RGS7: variants seen among roughly 807,000 people sequenced by gnomAD.
RGS7 encodes regulator of G-protein signaling 7.
In RGS7, 27 loss-of-function variants were observed where a neutral mutation model predicts 81.1. That is an observed-to-expected ratio of 0.33 (90% CI 0.25 to 0.46). The LOEUF (loss-of-function observed/expected upper bound fraction) is 0.46. Among genes scored for constraint, RGS7 ranks in the 20% least tolerant of loss-of-function variants. The probability of loss-of-function intolerance (pLI) is 1.00; values close to 1 mark genes in which losing one functional copy is unlikely to be tolerated. For synonymous variants in RGS7, 208 were observed against 207.7 expected, an observed-to-expected ratio of 1.00 and a Z score of -0.01; for missense variants, 396 against 607.4, an observed-to-expected ratio of 0.65 and a Z score of 3.66.
At chr1:241,130,296 G>A (rs1231349624) in intron 2 of RGS7, among the ~76,000 whole-genome samples, 1 of 151,672 alleles carries the variant, frequency 6.6e-6, no homozygotes, top group Non-Finnish European at 1.5e-5. Context: ...TAATTTTCCA[G>A]GGATTAATTT....
chr1:241,002,781 T>G (rs1285071047), intron 3 of RGS7, among the ~76,000 whole-genome samples: 1 of 152,214 alleles, frequency 6.6e-6, no homozygotes, highest in Non-Finnish European at 1.5e-5. Context: ...CAGGCAGAAA[T>G]GTAAACAGGA....
At position 241,152,186 on chromosome 1, in the gene RGS7, A is replaced by T. The variant is rs547073744; in HGVS notation, c.79-53424T>A. ...TTGGGCAAGCCAAAGTTCTAAGGGGAAAGGGGGAATAACGACCTAAAGACC... is the reference window on the plus strand; with the variant it reads ...TTGGGCAAGCCAAAGTTCTAAGGGGTAAGGGGGAATAACGACCTAAAGACC... On this transcript the variant is annotated intron_variant, in intron 2 of 18. Transcript: ENST00000440928. Among the ~76,000 whole-genome samples, 165 of 151,870 alleles carry T rather than the reference A, an allele frequency of 1.1e-3. 2 individuals are homozygous for T. Among genetic ancestry groups the T allele is most frequent in the African/African-American group, 3.9e-3 (160 of 41,384 alleles).
intron 9 of RGS7, among the ~76,000 whole-genome samples, chr1:240,855,489 G>A (rs1572432727): frequency 1.3e-5 from 2 of 150,626 alleles, no homozygotes; most frequent in African/African-American, 2.4e-5. Context: ...GGAATGCAAC[G>A]GCATGGTCAC....
intron 18 of RGS7, among the ~76,000 whole-genome samples, chr1:240,781,432 C>T (rs923095124): frequency 7.2e-5 from 11 of 152,064 alleles, no homozygotes; most frequent in Non-Finnish European, 8.8e-5. Context: ...ATGGTGAAAC[C>T]CCATCTCTAC....
chr1:241,329,263 T>G (rs1359797264), intron 2 of RGS7, among the ~76,000 whole-genome samples: 2 of 152,180 alleles, frequency 1.3e-5, no homozygotes. Context: ...ATTAAGAGAA[T>G]TACAGAAATT....
rs1023056307 is a variant in RGS7 at position 240,979,396 on chromosome 1, T to C, written c.226+3683A>G. On this transcript the variant is annotated intron_variant, in intron 4 of 18. Transcript: ENST00000440928. ...TAAGCTTAGTAAGAAAAGTGCAAAG[T>C]CTATATTTTAAAAACTTTAAAGCAC... Among the ~76,000 whole-genome samples the C allele has an allele frequency of 2.9e-4, 44 of 152,116 alleles. 1 individual carries two copies. Among genetic ancestry groups the C allele is most frequent in the Admixed American group, 1.2e-3 (18 of 15,270 alleles).
intron 10 of RGS7, 145 bp from the exon 11 acceptor site, chr1:240,816,560 C>T (rs1690836174): frequency 1.3e-5 from 8 of 624,410 alleles, no homozygotes; most frequent in East Asian, 2.8e-5. Flanking sequence ...AAAGGCACTG[C>T]TAAGATAAAA....
rs116333782 is a variant in RGS7, at chr1:240,812,754, G to A, written c.957-711C>T. Among the ~76,000 whole-genome samples the A allele has an allele frequency of 1.7e-3, 263 of 152,084 alleles. 1 individual carries two copies. Among genetic ancestry groups the A allele is most frequent in the African/African-American group, 5.9e-3 (246 of 41,490 alleles). On this transcript the variant is annotated intron_variant, in intron 13 of 18. Coordinates refer to ENST00000440928, the MANE Select transcript of RGS7 (RefSeq NM_001364886.1). ...CAGGCACACATTTCTTAACCACTAC[G>A]CCACACAGGGTCATGCAGGTATATT...
At chr1:241,311,621 G>C (rs562655148) in intron 2 of RGS7, among the ~76,000 whole-genome samples, 1 of 152,244 alleles carries the variant, frequency 6.6e-6, no homozygotes, top group South Asian at 2.1e-4. Flanking sequence ...TTTGAGAAAT[G>C]GGCGTTTTAT....
intron 10 of RGS7, among the ~76,000 whole-genome samples, chr1:240,818,612 CT>C (rs980216244): frequency 1.3e-5 from 2 of 152,070 alleles, no homozygotes; most frequent in African/African-American, 4.8e-5. Context: ...ACTATTCAGC[CT>C]TTATAGAACA....
intron 9 of RGS7, among the ~76,000 whole-genome samples, chr1:240,844,472 G>A (rs1658696142): frequency 6.6e-6 from 1 of 152,182 alleles, no homozygotes; most frequent in African/African-American, 2.4e-5. Flanking sequence ...CTGGGCTCAT[G>A]ATTTTGAAAA....
chr1:240,820,630 T>C (rs1366542616), intron 10 of RGS7, among the ~76,000 whole-genome samples: 1 of 152,106 alleles, frequency 6.6e-6, no homozygotes, highest in African/African-American at 2.4e-5. Flanking sequence ...AGTGCCCTTA[T>C]AAAGAGGCCT....
chr1:241,086,996 C>T (rs1572623820), intron 3 of RGS7, among the ~76,000 whole-genome samples: 2 of 152,306 alleles, frequency 1.3e-5, no homozygotes, highest in East Asian at 3.9e-4. Context: ...ACTCCTGCAG[C>T]CCTCTGGGTT....
intron 3 of RGS7, among the ~76,000 whole-genome samples, chr1:241,042,378 T>C (rs1331253585): frequency 6.6e-6 from 1 of 152,242 alleles, no homozygotes; most frequent in Non-Finnish European, 1.5e-5. Context: ...TCTGTGTTTA[T>C]GCTTCCTATA....
intron 9 of RGS7, among the ~76,000 whole-genome samples, chr1:240,856,598 T>C (rs917535803): frequency 6.6e-6 from 1 of 152,006 alleles, no homozygotes; most frequent in Non-Finnish European, 1.5e-5. Context: ...GGAATAACGA[T>C]ATTTTATCAT....
chr1:241,100,733 G>C (rs1276490983), intron 2 of RGS7, among the ~76,000 whole-genome samples: 1 of 152,150 alleles, frequency 6.6e-6, no homozygotes, highest in Non-Finnish European at 1.5e-5. Context: ...AGTATTTTAA[G>C]GGCAAATGAT....
intron 2 of RGS7, among the ~76,000 whole-genome samples, chr1:241,124,399 A>G (rs2066506778): frequency 6.6e-6 from 1 of 152,160 alleles, no homozygotes; most frequent in Non-Finnish European, 1.5e-5. Context: ...GTCTCTTTGA[A>G]AAAAATAAAA....
chr1:240,944,282 GTA>G (rs760788169), intron 4 of RGS7, among the ~76,000 whole-genome samples: 1,428 of 54,982 alleles, frequency 0.026, 10 homozygotes, highest in African/African-American at 0.03. Context: ...GTGTGTGTGT[GTA>G]TATATATATA....
intron 2 of RGS7, among the ~76,000 whole-genome samples, chr1:241,116,502 C>T (rs566541622): frequency 6.6e-6 from 1 of 152,082 alleles, no homozygotes; most frequent in South Asian, 2.1e-4. Context: ...GCTGTGGATA[C>T]CTGTGACACA....
Sources: gnomAD v4.1 joint callset for allele counts (sites outside exome capture counted in the v4.1 genomes callset) on GRCh38, gnomAD v4.1.1 for gene constraint, MANE v1.5 for transcripts, NCBI Gene and HGNC (gene_info 2026-07-23, HGNC 2026-07-21) for gene names.